Variants in ZNG1E observed in about 807,000 individuals in gnomAD.
ZNG1E encodes the protein Zn regulated GTPase metalloprotein activator 1E.
the ZNG1E span, among the ~76,000 whole-genome samples, chr9:65,694,169 G>T: frequency 1.3e-5 from 2 of 150,824 alleles, no homozygotes; most frequent in Middle Eastern, 3.4e-3. Context: ...TGCTTATGGA[G>T]GTAGCAAAAA....
the ZNG1E span, chr9:65,731,732 CA>C: frequency 7.9e-7 from 1 of 1,262,672 alleles, no homozygotes; most frequent in Non-Finnish European, 1.0e-6. Flanking sequence ...AATGATTTAT[CA>C]ATGGTTTTGT....
the ZNG1E span, among the ~76,000 whole-genome samples, chr9:65,727,613 G>A: frequency 7.6e-6 from 1 of 130,892 alleles, no homozygotes; most frequent in African/African-American, 3.3e-5. Flanking sequence ...TCTTATATTA[G>A]ACAAAACAAA....
the ZNG1E span, among the ~76,000 whole-genome samples, chr9:65,710,522 G>A: frequency 6.6e-5 from 10 of 151,958 alleles, no homozygotes; most frequent in African/African-American, 2.4e-4. Flanking sequence ...ATCTTGAATT[G>A]ATTTTTGTAT....
At chr9:65,694,178 A>G in the ZNG1E span, among the ~76,000 whole-genome samples, 2,421 of 150,928 alleles carry the variant, frequency 0.016, 60 homozygotes, top group African/African-American at 0.054. Flanking sequence ...AGGTAGCAAA[A>G]AAGCCCCAAA....
chr9:65,681,212 T>G, the ZNG1E span, among the ~76,000 whole-genome samples: 1 of 152,092 alleles, frequency 6.6e-6, no homozygotes, highest in African/African-American at 2.4e-5. Flanking sequence ...CTTAAGAGGT[T>G]GAAGGGCATA....
At chr9:65,659,222 G>A in the ZNG1E span, among the ~76,000 whole-genome samples, 2 of 151,940 alleles carry the variant, frequency 1.3e-5, no homozygotes, top group Admixed American at 6.6e-5. Context: ...AAGAGGCCAG[G>A]CATGGTGGCT....
the ZNG1E span, among the ~76,000 whole-genome samples, chr9:65,673,650 G>T: frequency 6.6e-5 from 10 of 152,358 alleles, no homozygotes; most frequent in East Asian, 1.5e-3. Flanking sequence ...AAAAGAAAAA[G>T]AAAAATTAGC....
the ZNG1E span, among the ~76,000 whole-genome samples, chr9:65,711,083 T>C: frequency 3.2e-5 from 4 of 125,598 alleles, no homozygotes; most frequent in African/African-American, 6.7e-5. Flanking sequence ...CCCTAGTAAG[T>C]TGGATTCCTA....
chr9:65,709,344 T>A, the ZNG1E span, among the ~76,000 whole-genome samples: 48 of 151,124 alleles, frequency 3.2e-4, no homozygotes, highest in African/African-American at 8.1e-4. Flanking sequence ...AGTTTTTTTT[T>A]AAATTTATTT....
At chr9:65,671,455 G>A in the ZNG1E span, among the ~76,000 whole-genome samples, 1 of 151,924 alleles carries the variant, frequency 6.6e-6, no homozygotes, top group Admixed American at 6.6e-5. Context: ...GAGTAGCTGG[G>A]ACTACAGGCG....
At chr9:65,680,505 T>G in the ZNG1E span, among the ~76,000 whole-genome samples, 6 of 152,080 alleles carry the variant, frequency 3.9e-5, no homozygotes, top group African/African-American at 1.4e-4. Flanking sequence ...TTCTTCATGT[T>G]TCATTAATGT....
chr9:65,681,414 A>G, the ZNG1E span, among the ~76,000 whole-genome samples: 1 of 152,264 alleles, frequency 6.6e-6, no homozygotes, highest in African/African-American at 2.4e-5. Context: ...AATGTAGTGT[A>G]CTGTAATTTA....
the ZNG1E span, chr9:65,708,436 G>C: frequency 4.7e-6 from 1 of 212,930 alleles, no homozygotes; most frequent in African/African-American, 2.6e-5. Context: ...CAGGGTCCTA[G>C]AGTAACCTAA....
At chr9:65,709,216 C>A in the ZNG1E span, among the ~76,000 whole-genome samples, 2 of 144,688 alleles carry the variant, frequency 1.4e-5, no homozygotes, top group African/African-American at 2.6e-5. Flanking sequence ...CTACACCAAA[C>A]ACTATGTCTA....
At chr9:65,681,948 A>C in the ZNG1E span, 1 of 492,984 alleles carries the variant, frequency 2.0e-6, no homozygotes, top group Non-Finnish European at 3.7e-6. Context: ...TATGTAAAAA[A>C]TGATTATTCT....
chr9:65,714,570 T>G, the ZNG1E span, among the ~76,000 whole-genome samples: 1 of 152,000 alleles, frequency 6.6e-6, no homozygotes. Flanking sequence ...TTGGTGTGGA[T>G]GTCCTTTCTG....
At chr9:65,684,546 GCACGCA>G in the ZNG1E span, among the ~76,000 whole-genome samples, 16 of 139,580 alleles carry the variant, frequency 1.1e-4, no homozygotes, top group African/African-American at 3.6e-4. Context: ...ACACACACAC[GCACGCA>G]CACACACACA....
At chr9:65,719,217 CA>C in the ZNG1E span, among the ~76,000 whole-genome samples, 1 of 140,094 alleles carries the variant, frequency 7.1e-6, no homozygotes, top group Admixed American at 7.2e-5. Flanking sequence ...TTTTCCTGAG[CA>C]ACCAGTTGGG....
At chr9:65,659,366 A>G in the ZNG1E span, among the ~76,000 whole-genome samples, 2 of 151,236 alleles carry the variant, frequency 1.3e-5, no homozygotes, top group Non-Finnish European at 2.9e-5. Context: ...GTGGTGGCGC[A>G]TGCCTGTAAT....
Sources: allele counts gnomAD v4.1 joint callset (sites outside exome capture counted in the v4.1 genomes callset), GRCh38; gene constraint gnomAD v4.1.1; transcripts MANE v1.5; gene names NCBI Gene and HGNC (gene_info 2026-07-23, HGNC 2026-07-21).